Variants in GRM4 observed in about 807,000 individuals in gnomAD.
GRM4 encodes the protein glutamate metabotropic receptor 4, also known as metabotropic glutamate receptor 4.
GRM4 carries 28 observed loss-of-function variants against 81.7 expected under a neutral mutation model. The observed-to-expected ratio is 0.34, with a 90% CI of 0.25 to 0.47. The LOEUF is 0.47. Among genes scored for constraint, GRM4 ranks in the 20% least tolerant of loss-of-function variants. GRM4 has a pLI of 1.00. For missense variants in GRM4, 948 were observed against 1,290.0 expected (o/e 0.73, Z 4.06); for synonymous variants, 488 against 528.8 (o/e 0.92, Z 1.06).
At position 34,092,781 on chromosome 6, in the gene GRM4, C is replaced by G. The variant is rs554710271; in HGVS notation, c.520-682G>C. The stretch of plus-strand genomic sequence containing the variant: ...GGCAGAGCCGACCCGGGGCCCTGCC[C>G]CAGCCCCGGGGCTTTCCAGTCACGG... On this transcript the variant is annotated intron_variant, in intron 2 of 10. Transcript: ENST00000538487. This position sits in a 1 kb window ranked among gnomAD's most constrained non-coding sequence, Gnocchi z 6.8. 2.4e-4 allele frequency among the ~76,000 whole-genome samples: 36 copies of G among 152,192 alleles called. No homozygotes were observed. Among genetic ancestry groups the G allele is most frequent in the South Asian group, 2.3e-3 (11 of 4,816 alleles).
At chr6:34,144,618 G>T (rs1334727663) in intron 1 of GRM4, among the ~76,000 whole-genome samples, 2 of 152,156 alleles carry the variant, frequency 1.3e-5, no homozygotes, top group Non-Finnish European at 2.9e-5. Flanking sequence ...TGGACGCGGT[G>T]CCTGGGAAAG....
At chr6:34,057,540 T>G (rs947830736) in intron 5 of GRM4, among the ~76,000 whole-genome samples, 5 of 152,162 alleles carry the variant, frequency 3.3e-5, no homozygotes, top group Non-Finnish European at 4.4e-5. Context: ...CTGTGCACCG[T>G]ACGATACTGA....
intron 2 of GRM4, among the ~76,000 whole-genome samples, chr6:34,093,652 T>G (rs1350056555): frequency 6.6e-6 from 1 of 152,038 alleles, no homozygotes; most frequent in Non-Finnish European, 1.5e-5. Context: ...CAATGCATAG[T>G]AGGTCCCACA....
chr6:34,103,645 G>A (rs1191028534), intron 2 of GRM4: 2 of 1,534,124 alleles, frequency 1.3e-6, no homozygotes, highest in Non-Finnish European at 1.7e-6. Flanking sequence ...GAGGCCGGGA[G>A]GAGCCCAGGC....
intron 2 of GRM4, among the ~76,000 whole-genome samples, chr6:34,126,931 C>T (rs1361108486): frequency 6.6e-6 from 1 of 152,226 alleles, no homozygotes; most frequent in Non-Finnish European, 1.5e-5. Context: ...CTAGACAAGA[C>T]ACAAGTGAAT....
At chr6:34,056,878 C>T (rs146218557) in intron 5 of GRM4, among the ~76,000 whole-genome samples, 194 bp from the exon 6 acceptor site, 20 of 152,328 alleles carry the variant, frequency 1.3e-4, no homozygotes, top group Non-Finnish European at 2.9e-4. Flanking sequence ...GTATTAGGTC[C>T]CAGGGGGATC....
At chr6:34,072,464 C>G (rs1373800436) in intron 3 of GRM4, among the ~76,000 whole-genome samples, 6 of 89,118 alleles carry the variant, frequency 6.7e-5, no homozygotes, top group African/African-American at 2.7e-4. Context: ...ACACATACCA[C>G]CATACAGATA....
rs1770173350 is a variant in GRM4 at position 34,129,993 on chromosome 6, A to G, written c.519+2985T>C. ...TCCCAGCAGGCCACATTAACCCATCATTAGGGGAGCAGGGCGGGGGCTGCA... is the reference window on the plus strand; with the variant it reads ...TCCCAGCAGGCCACATTAACCCATCGTTAGGGGAGCAGGGCGGGGGCTGCA... On this transcript the variant is annotated intron_variant, in intron 2 of 10. Coordinates refer to ENST00000538487, the MANE Select transcript of GRM4 (RefSeq NM_000841.4). Among the ~76,000 whole-genome samples the G allele has an allele frequency of 2.0e-5, 3 of 152,068 alleles. No individual in the cohort carries two copies. In the South Asian group the frequency reaches 6.2e-4, roughly 31 times the overall value.
rs1410302503 is a variant in GRM4, at chr6:34,035,751, T to C, written c.2359A>G (p.Ile787Val). Residue 787 changes from isoleucine (I) to valine (V), a missense_variant, in exon 9 of 11, where the codon ATT becomes GTT. Coordinates refer to ENST00000538487, the MANE Select transcript of GRM4 (RefSeq NM_000841.4). This position sits in a 1 kb window ranked among gnomAD's most constrained non-coding sequence, Gnocchi z 6.6. ...CAAGTGGTGTACATGGTGAAGCCAA[T>C]GGGCTTGGCCTCATTGAAGGTCTCG... is the stretch of plus-strand genomic sequence containing the variant. ...VPETFNEAKP[I>V]GFTMYTTCIV... 1 of 1,605,198 alleles carries C rather than the reference T, an allele frequency of 6.2e-7. No homozygotes were observed. Among genetic ancestry groups the C allele is most frequent in the South Asian group, 1.1e-5 (1 of 90,858 alleles).
intron 10 of GRM4, 71 bp downstream of exon 10, chr6:34,028,049 A>G: frequency 6.8e-7 from 1 of 1,479,390 alleles, no homozygotes; most frequent in South Asian, 1.3e-5. Context: ...GAGGGGCAGG[A>G]GCTCAGCCCA....
chr6:34,037,292 A>G (rs2451383), intron 8 of GRM4, among the ~76,000 whole-genome samples: 56,381 of 152,160 alleles, frequency 0.37, 13,905 homozygotes, highest in African/African-American at 0.7. Flanking sequence ...AGACACAATG[A>G]CTGTGAGCAA....
intron 2 of GRM4, among the ~76,000 whole-genome samples, chr6:34,109,291 T>G (rs951804757): frequency 3.9e-5 from 6 of 152,224 alleles, no homozygotes; most frequent in African/African-American, 1.4e-4. Flanking sequence ...TGACCCACTC[T>G]GAGAGGGAAG....
In GRM4 at chr6:34,035,689, G is replaced by A. The variant is rs759414625; in HGVS notation, c.2421C>T (p.Gly807=). The change falls in exon 9 of 11, where the codon GGC becomes GGT. Residue 807 remains glycine (G), a synonymous_variant. Transcript: ENST00000538487. The surrounding 1 kb of genome is among the most constrained non-coding windows in gnomAD (Gnocchi z 6.6). ...TCACCTTGTCGGCCGACTGCGAGGTGCCAAAGAAGATGGGGATGAAGGCCA... is the reference window on the plus strand; with the variant it reads ...TCACCTTGTCGGCCGACTGCGAGGTACCAAAGAAGATGGGGATGAAGGCCA... ...VWLAFIPIFF[G]TSQSADKLYI... is the part of the protein sequence containing the mutation. The A allele has an allele frequency of 1.9e-6, 3 of 1,585,724 alleles. No individual in the cohort carries two copies. In the Admixed American group the frequency reaches 5.1e-5, roughly 27 times the overall value.
intron 5 of GRM4, among the ~76,000 whole-genome samples, chr6:34,058,134 G>C (rs1765999278): frequency 6.6e-6 from 1 of 152,170 alleles, no homozygotes; most frequent in South Asian, 2.1e-4. Context: ...TGCAGGGACA[G>C]GCATGGGCCT....
At position 34,056,426 on chromosome 6, in the gene GRM4, G is replaced by A. The variant is rs1765878301; in HGVS notation, c.1168+118C>T. Reference sequence around the variant, plus strand: ...ACCCCAGGTGCAGGCCCAACTGCACGTCCTGCCACGGCCGGCCGACGACAG... The same window carrying A: ...ACCCCAGGTGCAGGCCCAACTGCACATCCTGCCACGGCCGGCCGACGACAG... On this transcript the variant is annotated intron_variant, in intron 6 of 10. Coordinates refer to ENST00000538487, the MANE Select transcript of GRM4 (RefSeq NM_000841.4). 4 of 881,604 alleles carry A rather than the reference G, an allele frequency of 4.5e-6. No homozygotes were observed. The South Asian group carries it at 5.0e-5, about 11-fold the overall frequency. The allele number at this position is 881,604 out of a possible 1,614,324, so 54.6% of individuals were successfully genotyped here. A position where few individuals can be genotyped will look rare whatever the true frequency, so the allele number is the denominator to read the frequency against.
exon 1 of GRM4, chr6:34,155,575 G>T (rs1771135856): frequency 2.1e-6 from 1 of 480,794 alleles, no homozygotes; most frequent in Non-Finnish European, 3.6e-6. Context: ...GCCCAGGCTG[G>T]TCTTGAATTC....
intron 2 of GRM4, among the ~76,000 whole-genome samples, chr6:34,107,865 T>C (rs547640934): frequency 6.6e-6 from 1 of 152,234 alleles, no homozygotes; most frequent in South Asian, 2.1e-4. Context: ...CAACCCTCCC[T>C]CAAACCCTCT....
At chr6:34,113,497 T>G (rs556356656) in intron 2 of GRM4, among the ~76,000 whole-genome samples, 9 of 152,332 alleles carry the variant, frequency 5.9e-5, no homozygotes, top group African/African-American at 1.9e-4. Context: ...AAATGCCCAC[T>G]TTATAAGGAA....
intron 2 of GRM4, among the ~76,000 whole-genome samples, chr6:34,124,389 C>T (rs2127506133): frequency 6.6e-6 from 1 of 152,316 alleles, no homozygotes; most frequent in Non-Finnish European, 1.5e-5. Context: ...CCCTCCCATG[C>T]GGCTCTCCAG....
Sources: gnomAD v4.1 joint callset for allele counts (sites outside exome capture counted in the v4.1 genomes callset) on GRCh38, gnomAD v4.1.1 for gene constraint, Gnocchi (gnomAD v3.1) non-coding constraint, MANE v1.5 for transcripts, NCBI Gene and HGNC (gene_info 2026-07-23, HGNC 2026-07-21) for gene names.